Variants in ADGRL2 observed in about 807,000 individuals in gnomAD.
ADGRL2 encodes the protein calcium-independent alpha-latrotoxin receptor 2.
Under a neutral mutation model 157.4 loss-of-function variants are expected in ADGRL2, and 44 were observed. That is an observed-to-expected ratio of 0.28 (90% CI 0.22 to 0.36). ADGRL2 has a LOEUF of 0.36. Ranked by LOEUF, ADGRL2 falls within the 10% of genes least tolerant of loss-of-function variation. The pLI, the probability that ADGRL2 is intolerant of heterozygous loss-of-function variation, is 1.00. For missense variants in ADGRL2, 1,510 were observed against 1,768.9 expected, an observed-to-expected ratio of 0.85 and a Z score of 2.63; for synonymous variants, 585 against 624.7, an observed-to-expected ratio of 0.94 and a Z score of 0.95.
At chr1:81,944,819 A>G (rs2148977087) in intron 6 of ADGRL2, among the ~76,000 whole-genome samples, 1 of 152,214 alleles carries the variant, frequency 6.6e-6, no homozygotes, top group East Asian at 1.9e-4. Context: ...ATATGTTCAT[A>G]ACAAACACAT....
At position 81,871,937 on chromosome 1, in the gene ADGRL2, T is replaced by C. The variant is rs550577440; in HGVS notation, c.73+34880T>C. On this transcript the variant is annotated intron_variant, in intron 2 of 23. Transcript: ENST00000686636. Reference sequence around the variant, plus strand: ...CAGTGCAGAAGCTCTTTAGTTTAATTAGATCCCATTTGTCAATTTTGGCTT... The same window carrying C: ...CAGTGCAGAAGCTCTTTAGTTTAATCAGATCCCATTTGTCAATTTTGGCTT... 7.9e-5 allele frequency among the ~76,000 whole-genome samples: 12 copies of C among 152,202 alleles called. 1 individual carries two copies. The highest frequency in any genetic ancestry group is 1.6e-4 in the Non-Finnish European group (11 of 68,032).
intron 2 of ADGRL2, among the ~76,000 whole-genome samples, chr1:81,873,565 C>A (rs913473046): frequency 6.6e-6 from 1 of 151,948 alleles, no homozygotes; most frequent in Non-Finnish European, 1.5e-5. Context: ...TAGCATCAAC[C>A]CAGCTAAGGT....
At chr1:81,607,544 G>A (rs973437436) in intron 3 of ADGRL2, among the ~76,000 whole-genome samples, 4 of 149,438 alleles carry the variant, frequency 2.7e-5, no homozygotes, top group African/African-American at 4.8e-5. Flanking sequence ...GTGAGGCCAA[G>A]ATGACACCAA....
At chr1:81,827,291 T>C (rs2091572338) in intron 1 of ADGRL2, among the ~76,000 whole-genome samples, 1 of 152,182 alleles carries the variant, frequency 6.6e-6, no homozygotes, top group East Asian at 1.9e-4. Context: ...TATGGATAAG[T>C]AGCTATGGTG....
At chr1:81,401,518 T>C (rs988504770) in intron 1 of ADGRL2, among the ~76,000 whole-genome samples, 1 of 152,338 alleles carries the variant, frequency 6.6e-6, no homozygotes, top group African/African-American at 2.4e-5. Context: ...GTAGCTTCTT[T>C]CATGTATGCC....
intron 2 of ADGRL2, among the ~76,000 whole-genome samples, chr1:81,457,537 T>C (rs1436765912): frequency 6.6e-6 from 1 of 152,302 alleles, no homozygotes; most frequent in East Asian, 1.9e-4. Context: ...AAACAGTATT[T>C]GATTATTGAC....
At chr1:81,420,844 A>G (rs1017813628) in intron 1 of ADGRL2, among the ~76,000 whole-genome samples, 1 of 152,178 alleles carries the variant, frequency 6.6e-6, no homozygotes, top group Non-Finnish European at 1.5e-5. Flanking sequence ...ACTCAGGGTT[A>G]TGAAAGATGA....
At chr1:81,527,423 C>T (rs1342513943) in intron 2 of ADGRL2, among the ~76,000 whole-genome samples, 4 of 152,102 alleles carry the variant, frequency 2.6e-5, no homozygotes, top group Non-Finnish European at 5.9e-5. Flanking sequence ...CTTATAAAAG[C>T]GGTCGAAGTC....
At chr1:81,493,849 T>A (rs9324177) in intron 2 of ADGRL2, among the ~76,000 whole-genome samples, 2 of 152,022 alleles carry the variant, frequency 1.3e-5, no homozygotes, top group African/African-American at 4.8e-5. Flanking sequence ...ATACACTTAT[T>A]CAAAAATCCT....
chr1:81,498,287 A>G (rs2078771565), intron 2 of ADGRL2, among the ~76,000 whole-genome samples: 1 of 152,210 alleles, frequency 6.6e-6, no homozygotes. Context: ...TATCTAATAT[A>G]TGCATGTGTA....
At chr1:81,585,966 T>C (rs1426492309) in intron 3 of ADGRL2, 1 of 152,022 alleles carries the variant, frequency 6.6e-6, no homozygotes, top group Non-Finnish European at 1.5e-5. Context: ...AATTATCTCA[T>C]TCATAATATA....
intron 1 of ADGRL2, among the ~76,000 whole-genome samples, chr1:81,407,945 T>C (rs1269396171): frequency 2.6e-5 from 4 of 152,212 alleles, no homozygotes; most frequent in South Asian, 4.1e-4. Flanking sequence ...TAAGCAATTT[T>C]GTTTGTTTGT....
At chr1:81,732,701 A>G (rs574017144) in intron 1 of ADGRL2, among the ~76,000 whole-genome samples, 1 of 152,338 alleles carries the variant, frequency 6.6e-6, no homozygotes, top group African/African-American at 2.4e-5. Flanking sequence ...CATGCTCATG[A>G]AAACTAGCTT....
chr1:81,873,967 T>C (rs1304359812), intron 2 of ADGRL2, among the ~76,000 whole-genome samples: 1 of 152,148 alleles, frequency 6.6e-6, no homozygotes, highest in East Asian at 1.9e-4. Flanking sequence ...TGGAGTGTGA[T>C]AAATATTTGT....
chr1:81,348,280 C>G (rs1261096531), intron 1 of ADGRL2, among the ~76,000 whole-genome samples: 1 of 152,196 alleles, frequency 6.6e-6, no homozygotes, highest in Non-Finnish European at 1.5e-5. Context: ...CACACACATA[C>G]ACACACACTT....
intron 16 of ADGRL2, among the ~76,000 whole-genome samples, chr1:81,970,872 G>A (rs1006203609): frequency 6.6e-6 from 1 of 152,146 alleles, no homozygotes; most frequent in Admixed American, 6.6e-5. Context: ...TAACTACTCA[G>A]TGTTAAGCTA....
rs373603632 is a variant in ADGRL2 at position 81,357,955 on chromosome 1, A to C, written c.-302+51446A>C. Among the ~76,000 whole-genome samples the C allele has an allele frequency of 2.4e-4, 36 of 152,352 alleles. 3 individuals carry two copies. Among genetic ancestry groups the C allele is most frequent in the East Asian group, 1.9e-3 (10 of 5,196 alleles). On this transcript the variant is annotated intron_variant, in intron 1 of 24. Transcript: ENST00000370721. ...ATCAAATAAGTGAAAGTGCTTGATA[A>C]ACATTCAAATGTTATAAGAATATGG...
chr1:81,434,688 A>T (rs1042689898), intron 1 of ADGRL2, among the ~76,000 whole-genome samples: 2 of 152,152 alleles, frequency 1.3e-5, no homozygotes, highest in Non-Finnish European at 2.9e-5. Context: ...TAAAAATTAG[A>T]ATGAGTATCA....
At chr1:81,539,696 C>T (rs1230907747) in intron 2 of ADGRL2, among the ~76,000 whole-genome samples, 1 of 152,034 alleles carries the variant, frequency 6.6e-6, no homozygotes, top group African/African-American at 2.4e-5. Context: ...GGACTCTTAC[C>T]ACTACTCTCT....
Sources: allele counts gnomAD v4.1 joint callset (sites outside exome capture counted in the v4.1 genomes callset), GRCh38; gene constraint gnomAD v4.1.1; transcripts MANE v1.5; gene names NCBI Gene and HGNC (gene_info 2026-07-23, HGNC 2026-07-21).